Variants in CSMD1 observed in about 807,000 individuals in gnomAD.
CSMD1 encodes the protein CUB and Sushi multiple domains 1.
A neutral mutation model predicts 417.5 loss-of-function variants in CSMD1; 213 were observed. That is an observed-to-expected ratio of 0.51 (90% CI 0.46 to 0.57). The LOEUF is 0.57. Among genes scored for constraint, CSMD1 ranks in the 20% least tolerant of loss-of-function variants. CSMD1 has a pLI of 0.00. For synonymous variants in CSMD1, 2,862 were observed against 1,736.8 expected (o/e 1.65, Z -16.11); for missense variants, 6,923 against 4,529.7 (o/e 1.53, Z -15.17).
intron 3 of CSMD1, among the ~76,000 whole-genome samples, chr8:4,037,016 G>T (rs1368656454): frequency 6.6e-6 from 1 of 151,310 alleles, no homozygotes; most frequent in Non-Finnish European, 1.5e-5. Context: ...ATGGTAGTGT[G>T]TCCTGTCCAG....
intron 1 of CSMD1, among the ~76,000 whole-genome samples, chr8:4,947,431 TA>T (rs1390514370): frequency 6.6e-6 from 1 of 152,002 alleles, no homozygotes; most frequent in Non-Finnish European, 1.5e-5. Context: ...TTTTCTCACA[TA>T]GGTAAGAAAT....
At chr8:3,846,776 C>T (rs550649302) in intron 5 of CSMD1, among the ~76,000 whole-genome samples, 8 of 152,162 alleles carry the variant, frequency 5.3e-5, no homozygotes, top group Admixed American at 2.6e-4. Context: ...CTGGTTCTAG[C>T]GATTCTCCTG....
chr8:4,723,021 C>A (rs964909003), intron 1 of CSMD1, among the ~76,000 whole-genome samples: 5 of 152,106 alleles, frequency 3.3e-5, no homozygotes, highest in African/African-American at 4.8e-5. Flanking sequence ...CACTGAGACA[C>A]TGCTATGTAA....
At chr8:4,613,886 C>G (rs1449654478) in intron 2 of CSMD1, among the ~76,000 whole-genome samples, 1 of 147,798 alleles carries the variant, frequency 6.8e-6, no homozygotes, top group Non-Finnish European at 1.5e-5. Flanking sequence ...AGAAAACGTT[C>G]CTCAATCACT....
chr8:3,011,109 T>G (rs148115234), intron 52 of CSMD1, among the ~76,000 whole-genome samples: 1 of 152,184 alleles, frequency 6.6e-6, no homozygotes, highest in Non-Finnish European at 1.5e-5. Context: ...AGAACCAATC[T>G]TATTAACCTC....
Position 4,426,366 on chromosome 8 carries a change from T to C in CSMD1, c.303-6301A>G, listed in dbSNP as rs114703952. Reference sequence around the variant, plus strand: ...CATATAATTTTGAAAATCCTTTTTATATATTTTGTATGTAGTATATATAGT... The same window carrying C: ...CATATAATTTTGAAAATCCTTTTTACATATTTTGTATGTAGTATATATAGT... On this transcript the variant is annotated intron_variant, in intron 2 of 69. Transcript: ENST00000635120. 3.6e-3 allele frequency among the ~76,000 whole-genome samples: 534 copies of C among 150,284 alleles called. 7 individuals are homozygous for C. Among genetic ancestry groups the C allele is most frequent in the African/African-American group, 0.012 (503 of 41,262 alleles).
intron 42 of CSMD1, among the ~76,000 whole-genome samples, chr8:3,114,658 C>T (rs1816746577): frequency 6.6e-6 from 1 of 151,930 alleles, no homozygotes; most frequent in Admixed American, 6.6e-5. Context: ...ATTTTAAAGA[C>T]TGTATTTGTG....
intron 12 of CSMD1, among the ~76,000 whole-genome samples, chr8:3,455,684 G>C (rs1409729781): frequency 6.6e-6 from 1 of 152,216 alleles, no homozygotes; most frequent in Non-Finnish European, 1.5e-5. Context: ...TTTTGTCTCA[G>C]AGGAGTACCT....
chr8:3,564,749 A>G, intron 10 of CSMD1, among the ~76,000 whole-genome samples: 1 of 130,360 alleles, frequency 7.7e-6, no homozygotes. Context: ...AAACACACAA[A>G]AAACCCAAAA....
chr8:2,975,239 T>A (rs367843278), intron 55 of CSMD1, among the ~76,000 whole-genome samples: 2 of 152,208 alleles, frequency 1.3e-5, no homozygotes, highest in East Asian at 1.9e-4. Context: ...CTTAAAATTA[T>A]ACCAAATCAG....
chr8:3,521,716 G>C (rs1045838327), intron 10 of CSMD1, among the ~76,000 whole-genome samples: 1 of 152,176 alleles, frequency 6.6e-6, no homozygotes, highest in Non-Finnish European at 1.5e-5. Context: ...TTTTCTTAAT[G>C]AGAACAGTAT....
chr8:4,821,436 T>G (rs1045771931), intron 1 of CSMD1, among the ~76,000 whole-genome samples: 2 of 152,060 alleles, frequency 1.3e-5, no homozygotes, highest in Non-Finnish European at 2.9e-5. Context: ...AAAATTAAGG[T>G]AAAAATCTCA....
rs192838840 is a variant in CSMD1, at chr8:3,257,651, G to C, written c.4153+26493C>G. The stretch of plus-strand genomic sequence containing the variant: ...GACAGAATCAGCCTTGCGGGTACCT[G>C]GGGCCAAGGCTACTGAGAAGGAGAA... On this transcript the variant is annotated intron_variant, in intron 26 of 69. Coordinates refer to ENST00000635120, the MANE Select transcript of CSMD1 (RefSeq NM_033225.6). Among the ~76,000 whole-genome samples the C allele has an allele frequency of 1.7e-4, 26 of 152,230 alleles. No homozygotes were observed. In the East Asian group the frequency reaches 4.9e-3, roughly 28 times the overall value.
rs867860501 is a variant in CSMD1, at chr8:3,162,200, C to T, written c.5803G>A (p.Asp1935Asn). 4 of 1,610,730 alleles carry T rather than the reference C, an allele frequency of 2.5e-6. No individual in the cohort carries two copies. The highest frequency in any genetic ancestry group is 3.4e-6 in the Non-Finnish European group (4 of 1,178,570). ...IKIGDRYMVN[D>N]VLSFQCEPGY... ...GGCTCGCACTGGAAGGAGAGCACGT[C>T]GTTCACCATGTACCGATCTCCGATT... is the stretch of plus-strand genomic sequence containing the variant. The change falls in exon 38 of 70, where the codon GAC becomes AAC. Residue 1935 changes from aspartate (D) to asparagine (N), a missense_variant. By Grantham distance (23) the Asp-to-Asn change is conservative. Transcript: ENST00000635120.
chr8:3,652,355 G>C (rs959443296), intron 7 of CSMD1, among the ~76,000 whole-genome samples: 3 of 151,988 alleles, frequency 2.0e-5, no homozygotes, highest in African/African-American at 7.2e-5. Flanking sequence ...ACCACCATCA[G>C]CATGCTTACC....
At chr8:4,537,955 T>C (rs934171643) in intron 2 of CSMD1, among the ~76,000 whole-genome samples, 1 of 152,228 alleles carries the variant, frequency 6.6e-6, no homozygotes, top group South Asian at 2.1e-4. Context: ...GACAAACCAA[T>C]TTGCTTTTAA....
At chr8:3,215,852 C>T (rs1184285690) in intron 29 of CSMD1, among the ~76,000 whole-genome samples, 1 of 151,782 alleles carries the variant, frequency 6.6e-6, no homozygotes, top group East Asian at 1.9e-4. Flanking sequence ...AAAAAGAGAC[C>T]TGATTAACTG....
chr8:3,247,825 T>C (rs1467389258), intron 26 of CSMD1, among the ~76,000 whole-genome samples: 2 of 152,176 alleles, frequency 1.3e-5, no homozygotes, highest in African/African-American at 4.8e-5. Context: ...ACCTCCAATC[T>C]ACTGTACAAA....
At chr8:3,343,149 G>A in intron 23 of CSMD1, 145 bp downstream of exon 23, 1 of 617,686 alleles carries the variant, frequency 1.6e-6, no homozygotes, top group African/African-American at 1.9e-5. Flanking sequence ...TATACAACCA[G>A]TCAACAGAGT....
Sources: gnomAD v4.1 joint callset for allele counts (sites outside exome capture counted in the v4.1 genomes callset) on GRCh38, gnomAD v4.1.1 for gene constraint, MANE v1.5 for transcripts, NCBI Gene and HGNC (gene_info 2026-07-23, HGNC 2026-07-21) for gene names.